Variants in ZFAT observed in about 807,000 individuals in gnomAD.
ZFAT encodes zinc finger and AT-hook domain containing.
Under a neutral mutation model 117.7 loss-of-function variants are expected in ZFAT, and 64 were observed. That is an observed-to-expected ratio of 0.54 (90% CI 0.44 to 0.67). The LOEUF (loss-of-function observed/expected upper bound fraction) is 0.67, where lower values mean the gene tolerates loss of function less well. Among genes scored for constraint, ZFAT ranks in the 30% least tolerant of loss-of-function variants. The pLI is 0.00. For synonymous variants in ZFAT, 679 were observed against 615.0 expected (o/e 1.10, Z -1.54); for missense variants, 1,433 against 1,584.5 (o/e 0.90, Z 1.62).
intron 10 of ZFAT, among the ~76,000 whole-genome samples, chr8:134,571,662 A>G (rs973328318): frequency 6.6e-6 from 1 of 152,230 alleles, no homozygotes; most frequent in African/African-American, 2.4e-5. Flanking sequence ...GTCCAATTAC[A>G]GCACACTCTC....
At chr8:134,832,160 G>T in the ZFAT span, among the ~76,000 whole-genome samples, 1 of 150,640 alleles carries the variant, frequency 6.6e-6, no homozygotes, top group Non-Finnish European at 1.5e-5. Context: ...CAGGGGGCGC[G>T]GCGAGAGCTG....
intron 1 of ZFAT, among the ~76,000 whole-genome samples, chr8:134,684,734 G>T (rs1234434376): frequency 6.6e-6 from 1 of 152,214 alleles, no homozygotes; most frequent in East Asian, 1.9e-4. Context: ...TAGATTACGT[G>T]GGGAAAAGGC....
chr8:134,791,436 C>T, the ZFAT span, among the ~76,000 whole-genome samples: 5 of 152,304 alleles, frequency 3.3e-5, no homozygotes, highest in African/African-American at 9.6e-5. Context: ...CTATCATCCA[C>T]CTAGGTCAGT....
intron 13 of ZFAT, among the ~76,000 whole-genome samples, chr8:134,513,668 C>A (rs16905161): frequency 0.17 from 25,878 of 152,064 alleles, 3,721 homozygotes; most frequent in African/African-American, 0.39. Context: ...CTGGAAGGGG[C>A]AGAGAGTGCA....
chr8:134,674,858 T>A (rs145200773), intron 1 of ZFAT: 47 of 223,568 alleles, frequency 2.1e-4, no homozygotes, highest in African/African-American at 9.7e-4. Context: ...AAACAGGGTA[T>A]GGAGCGGACC....
At chr8:134,728,577 G>A in the ZFAT span, among the ~76,000 whole-genome samples, 12 of 152,246 alleles carry the variant, frequency 7.9e-5, no homozygotes, top group East Asian at 1.9e-4. Context: ...TGGGCTCAGC[G>A]GGCTCCTGCA....
intron 11 of ZFAT, among the ~76,000 whole-genome samples, chr8:134,564,364 T>C (rs1417362012): frequency 6.6e-6 from 1 of 152,170 alleles, no homozygotes; most frequent in African/African-American, 2.4e-5. Context: ...CCTGTCCCCT[T>C]GCTGTCTGTG....
intron 1 of ZFAT, among the ~76,000 whole-genome samples, chr8:134,677,058 C>A (rs143071878): frequency 0.013 from 2,033 of 152,106 alleles, 51 homozygotes; most frequent in African/African-American, 0.045. Flanking sequence ...CAAACAAATT[C>A]GAAAGCTAGC....
the ZFAT span, among the ~76,000 whole-genome samples, chr8:134,758,427 C>T: frequency 6.6e-6 from 1 of 152,248 alleles, no homozygotes; most frequent in Non-Finnish European, 1.5e-5. Context: ...AATTACTTAA[C>T]CTCTCTGTGC....
chr8:134,830,452 G>A, the ZFAT span, among the ~76,000 whole-genome samples: 1 of 152,118 alleles, frequency 6.6e-6, no homozygotes, highest in Non-Finnish European at 1.5e-5. Context: ...TCAAAGTGAG[G>A]GTCCTCTGTT....
the ZFAT span, chr8:134,804,745 C>A: frequency 2.2e-5 from 9 of 403,752 alleles, no homozygotes; most frequent in East Asian, 6.0e-4. Context: ...ATTCAACTAT[C>A]ATAATACGTG....
chr8:134,612,416 G>C (rs1426638470), intron 3 of ZFAT, among the ~76,000 whole-genome samples: 1 of 152,192 alleles, frequency 6.6e-6, no homozygotes, highest in Non-Finnish European at 1.5e-5. Flanking sequence ...AGTACCCCAA[G>C]TAATTGTACC....
At chr8:134,594,776 T>TC (rs1340146253) in intron 7 of ZFAT, 11 of 152,236 alleles carry the variant, frequency 7.2e-5, no homozygotes, top group African/African-American at 2.6e-4. Context: ...CACTTCTAAG[T>TC]CCCAGAGTCA....
chr8:134,599,679 C>T (rs1827254583), intron 7 of ZFAT: 1 of 424,526 alleles, frequency 2.4e-6, no homozygotes, highest in Non-Finnish European at 4.6e-6. Context: ...TGAAGCTTCA[C>T]TTTTTGCTGT....
intron 11 of ZFAT, among the ~76,000 whole-genome samples, chr8:134,560,039 T>C (rs1252821020): frequency 6.6e-6 from 1 of 152,224 alleles, no homozygotes; most frequent in Non-Finnish European, 1.5e-5. Context: ...ATCTAACAAA[T>C]ATGCTGAGAG....
At chr8:134,514,612 G>C (rs1288080863) in intron 13 of ZFAT, among the ~76,000 whole-genome samples, 1 of 152,146 alleles carries the variant, frequency 6.6e-6, no homozygotes, top group Non-Finnish European at 1.5e-5. Flanking sequence ...ACTGAGCCAT[G>C]AGGGTTAAAA....
intron 3 of ZFAT, among the ~76,000 whole-genome samples, chr8:134,622,815 T>TCACAGGCTGACCTCATCCTCTAC (rs1203932432): frequency 3.9e-5 from 6 of 152,088 alleles, no homozygotes; most frequent in African/African-American, 1.4e-4. Flanking sequence ...TGCCAGGTTA[T>TCACAGGCTGACCTCATCCTCTAC]CACAGGCTGA....
chr8:134,540,363 T>C (rs62523734), intron 11 of ZFAT, among the ~76,000 whole-genome samples: 4,022 of 152,284 alleles, frequency 0.026, 69 homozygotes, highest in Non-Finnish European at 0.043. Flanking sequence ...TCTTAAATGT[T>C]CTCTTTTAAC....
At chr8:134,639,718 G>A in intron 2 of ZFAT, 1 of 444,530 alleles carries the variant, frequency 2.2e-6, no homozygotes, top group Non-Finnish European at 4.5e-6. Context: ...ACAATCTACT[G>A]AAGCAGCAAT....
Sources: allele counts gnomAD v4.1 joint callset (sites outside exome capture counted in the v4.1 genomes callset), GRCh38; gene constraint gnomAD v4.1.1; transcripts MANE v1.5; gene names NCBI Gene and HGNC (gene_info 2026-07-23, HGNC 2026-07-21).